EPB41L4A: variants seen among roughly 807,000 people sequenced by gnomAD.
EPB41L4A encodes erythrocyte membrane protein band 4.1 like 4A, also known as band 4.1-like protein 4A.
EPB41L4A carries 100 observed loss-of-function variants against 108.6 expected under a neutral mutation model. The observed-to-expected ratio is 0.92, with a 90% CI of 0.78 to 1.09. The LOEUF (loss-of-function observed/expected upper bound fraction) is 1.09. Ranked by LOEUF, EPB41L4A falls within the 50% of genes least tolerant of loss-of-function variation. The probability of loss-of-function intolerance (pLI) is 0.00; values close to 1 mark genes in which losing one functional copy is unlikely to be tolerated. For synonymous variants in EPB41L4A, 319 were observed against 289.0 expected, an observed-to-expected ratio of 1.10 and a Z score of -1.05; for missense variants, 1,030 against 842.7, an observed-to-expected ratio of 1.22 and a Z score of -2.75.
intron 1 of EPB41L4A, among the ~76,000 whole-genome samples, chr5:112,367,267 G>A (rs186182436): frequency 1.3e-5 from 2 of 152,278 alleles, no homozygotes; most frequent in East Asian, 3.9e-4. Context: ...CTCCAGTACT[G>A]CACCTCATAT....
chr5:112,360,156 T>C lies in EPB41L4A; in HGVS notation c.100-52666A>G, dbSNP rs576489346. Among the ~76,000 whole-genome samples, 33 of 152,264 alleles carry C rather than the reference T, an allele frequency of 2.2e-4. 1 individual carries two copies. In the South Asian group the frequency reaches 6.6e-3, roughly 31 times the overall value. ...AAAGTAATTATCAGGCCAGGCACCATAGCTCACGCCTGTCCCAGCACTTTG... is the reference window on the plus strand; with the variant it reads ...AAAGTAATTATCAGGCCAGGCACCACAGCTCACGCCTGTCCCAGCACTTTG... On this transcript the variant is annotated intron_variant, in intron 1 of 22. Coordinates refer to ENST00000261486, the MANE Select transcript of EPB41L4A (RefSeq NM_022140.5).
intron 2 of EPB41L4A, among the ~76,000 whole-genome samples, chr5:112,293,793 C>G (rs1753813213): frequency 6.6e-6 from 1 of 152,206 alleles, no homozygotes; most frequent in East Asian, 1.9e-4. Context: ...GGCATGTCAG[C>G]TGCTGAATTC....
In EPB41L4A at chr5:112,376,673, T is replaced by C. The variant is rs541938933; in HGVS notation, c.99+42268A>G. On this transcript the variant is annotated intron_variant, in intron 1 of 22. Coordinates refer to ENST00000261486, the MANE Select transcript of EPB41L4A (RefSeq NM_022140.5). ...GCATGGTTAAGTGTTAGTACATCCA[T>C]ACCATGGAACATTACTCATCAATAA... Among the ~76,000 whole-genome samples the C allele has an allele frequency of 6.6e-5, 10 of 152,268 alleles. No homozygotes were observed. In the South Asian group the frequency reaches 2.1e-3, roughly 32 times the overall value.
chr5:112,171,201 A>C (rs1273466910), intron 18 of EPB41L4A, among the ~76,000 whole-genome samples: 1 of 152,168 alleles, frequency 6.6e-6, no homozygotes, highest in Non-Finnish European at 1.5e-5. Context: ...AAAATCATAA[A>C]ACCCAGTCAT....
chr5:112,341,552 T>G (rs554481641), intron 1 of EPB41L4A, among the ~76,000 whole-genome samples: 26 of 152,320 alleles, frequency 1.7e-4, no homozygotes, highest in African/African-American at 6.3e-4. Flanking sequence ...GCAAGGCAGA[T>G]GAACCATTAA....
intron 4 of EPB41L4A, among the ~76,000 whole-genome samples, chr5:112,274,114 C>CAA (rs111476984): frequency 1.5e-5 from 2 of 132,646 alleles, no homozygotes; most frequent in Non-Finnish European, 3.3e-5. Flanking sequence ...CATAACAAGA[C>CAA]AAAAAAAAAA....
rs773626937 is a variant in EPB41L4A, at chr5:112,259,233, T to C, written c.791A>G (p.Lys264Arg). Residue 264 changes from lysine to arginine, a missense_variant, in exon 9 of 23, where the codon AAA (lysine) becomes AGA (arginine). Lys to Arg is a conservative substitution (Grantham distance 26). Coordinates refer to ENST00000261486, the MANE Select transcript of EPB41L4A (RefSeq NM_022140.5). The stretch of plus-strand genomic sequence containing the variant: ...GCTAAGGGCTTGGAAACTTACATCT[T>C]TTCCCAGTACTCTGAGTTCAAATTG... Reference protein sequence around the residue: ...ETQFELRVLGKDCNETSFFFE... With the variant: ...ETQFELRVLGRDCNETSFFFE... The C allele has an allele frequency of 8.7e-6, 14 of 1,613,134 alleles. No homozygotes were observed. In the African/African-American group the frequency reaches 1.5e-4, roughly 17 times the overall value.
At chr5:112,384,132 A>C (rs544285809) in intron 1 of EPB41L4A, among the ~76,000 whole-genome samples, 1 of 152,252 alleles carries the variant, frequency 6.6e-6, no homozygotes, top group East Asian at 1.9e-4. Flanking sequence ...TAAAGGATAC[A>C]AGGTTTCTTT....
chr5:112,365,282 C>G (rs1202386747), intron 1 of EPB41L4A, among the ~76,000 whole-genome samples: 1 of 152,142 alleles, frequency 6.6e-6, no homozygotes, highest in Non-Finnish European at 1.5e-5. Flanking sequence ...CATACTACAG[C>G]CTCAAACTCC....
intron 9 of EPB41L4A, among the ~76,000 whole-genome samples, chr5:112,251,652 G>C (rs967156865): frequency 6.6e-6 from 1 of 152,212 alleles, no homozygotes; most frequent in Admixed American, 6.5e-5. Flanking sequence ...CTACAAGGAA[G>C]CATGGCGGAA....
intron 1 of EPB41L4A, among the ~76,000 whole-genome samples, chr5:112,370,438 A>T (rs1759421370): frequency 6.6e-6 from 1 of 152,166 alleles, no homozygotes; most frequent in South Asian, 2.1e-4. Flanking sequence ...GATTTTTGAT[A>T]GCATTTTAAG....
chr5:112,196,448 G>C (rs1464984262), intron 15 of EPB41L4A, among the ~76,000 whole-genome samples: 1 of 152,196 alleles, frequency 6.6e-6, no homozygotes, highest in African/African-American at 2.4e-5. Context: ...ACTCAACCAA[G>C]ATAAGCTGTT....
At chr5:112,346,991 A>G (rs1757720722) in intron 1 of EPB41L4A, among the ~76,000 whole-genome samples, 1 of 152,220 alleles carries the variant, frequency 6.6e-6, no homozygotes, top group South Asian at 2.1e-4. Context: ...GTTAGAGTCC[A>G]AACAGCCAGC....
chr5:112,278,750 G>C (rs1752768381), intron 3 of EPB41L4A, among the ~76,000 whole-genome samples: 1 of 151,674 alleles, frequency 6.6e-6, no homozygotes, highest in South Asian at 2.1e-4. Flanking sequence ...AAAGAAACCT[G>C]TGAGTTTATT....
At chr5:112,280,380 C>G in intron 2 of EPB41L4A, 57 bp from the exon 3 acceptor site, 1 of 1,494,702 alleles carries the variant, frequency 6.7e-7, no homozygotes, top group Non-Finnish European at 9.3e-7. Context: ...TTAGCTTTTA[C>G]TTCAAGAATA....
In EPB41L4A at chr5:112,165,016, CT is replaced by C. The variant is rs1347867345; in HGVS notation, c.2034del (p.Ala679LeufsTer31). 6.2e-7 allele frequency: 1 copy of C among 1,613,828 alleles called. No individual in the cohort carries two copies. Among genetic ancestry groups the C allele is most frequent in the Non-Finnish European group, 8.5e-7 (1 of 1,179,938 alleles). ...KHTAKTIKTIQASRLKTET is the reference protein window; with the variant it reads ...KHTAKTIKTIXASRLKTET Reference sequence around the variant, plus strand: ...CAAGTCTCTGTCTTGAGGCGGGAAGCTTGTATAGTTTTTATTGTTTTTGCTG... The same window carrying C: ...CAAGTCTCTGTCTTGAGGCGGGAAGCTGTATAGTTTTTATTGTTTTTGCTG... On this transcript the variant is annotated frameshift_variant, in exon 23 of 23. Coordinates refer to ENST00000261486, the MANE Select transcript of EPB41L4A (RefSeq NM_022140.5). LOFTEE classifies it high-confidence loss of function.
chr5:112,253,996 G>C (rs4279380), intron 9 of EPB41L4A, among the ~76,000 whole-genome samples: 147,699 of 152,246 alleles, frequency 0.97, 71,823 homozygotes, highest in East Asian at 1. Flanking sequence ...AAAGCAAGCC[G>C]GAGAGTTCTG....
chr5:112,324,605 C>T (rs964565191), intron 1 of EPB41L4A, among the ~76,000 whole-genome samples: 3 of 151,828 alleles, frequency 2.0e-5, no homozygotes, highest in Non-Finnish European at 4.4e-5. Context: ...CGTCTGTAGT[C>T]CCAGTGACTC....
At chr5:112,347,450 C>T (rs1757753300) in intron 1 of EPB41L4A, among the ~76,000 whole-genome samples, 1 of 152,170 alleles carries the variant, frequency 6.6e-6, no homozygotes, top group African/African-American at 2.4e-5. Context: ...TAGGCTAGTG[C>T]TCACATTTTA....
Sources: allele counts gnomAD v4.1 joint callset (sites outside exome capture counted in the v4.1 genomes callset), GRCh38; gene constraint gnomAD v4.1.1; transcripts MANE v1.5; gene names NCBI Gene and HGNC (gene_info 2026-07-23, HGNC 2026-07-21).